PTPRT: variants seen among roughly 807,000 people sequenced by gnomAD.
PTPRT encodes the protein receptor-type tyrosine-protein phosphatase T.
A neutral mutation model predicts 176.8 loss-of-function variants in PTPRT; 56 were observed. That is an observed-to-expected ratio of 0.32 (90% CI 0.26 to 0.40). The LOEUF (loss-of-function observed/expected upper bound fraction) is 0.40, where lower values mean the gene tolerates loss of function less well. Among genes scored for constraint, PTPRT ranks in the 10% least tolerant of loss-of-function variants. The pLI, the probability that PTPRT is intolerant of heterozygous loss-of-function variation, is 1.00. For synonymous variants in PTPRT, 783 were observed against 739.0 expected (o/e 1.06, Z -0.96); for missense variants, 1,540 against 1,908.2 (o/e 0.81, Z 3.60).
intron 1 of PTPRT, among the ~76,000 whole-genome samples, chr20:42,900,110 T>C (rs754921098): frequency 6.6e-5 from 10 of 152,182 alleles, no homozygotes; most frequent in Non-Finnish European, 1.2e-4. Flanking sequence ...CCGCAAAGCA[T>C]TGCAACAGGC....
At chr20:42,675,406 C>A (rs2075485221) in intron 7 of PTPRT, among the ~76,000 whole-genome samples, 1 of 152,292 alleles carries the variant, frequency 6.6e-6, no homozygotes, top group South Asian at 2.1e-4. Context: ...ATATCGTAGG[C>A]AATCTTACAT....
In PTPRT at chr20:42,387,959, T is replaced by G. The variant is rs191310452; in HGVS notation, c.1561-35674A>C. Among the ~76,000 whole-genome samples the G allele has an allele frequency of 1.7e-3, 252 of 152,150 alleles. 4 individuals are homozygous for G. The highest frequency in any genetic ancestry group is 0.015 in the Admixed American group (222 of 15,286). On this transcript the variant is annotated intron_variant, in intron 9 of 30. Coordinates refer to ENST00000373187, the MANE Select transcript of PTPRT (RefSeq NM_007050.6). ...GGCGCCCACCACTAAGTCCAGCTAT[T>G]TTTTGTATTTTTAGCAGAGACAGGG...
At chr20:42,960,938 A>G (rs536728203) in intron 1 of PTPRT, among the ~76,000 whole-genome samples, 28 of 152,346 alleles carry the variant, frequency 1.8e-4, no homozygotes, top group Admixed American at 7.8e-4. Context: ...TGTAAATTAA[A>G]TAAGAATGAA....
chr20:42,637,763 A>C (rs2074639514), intron 7 of PTPRT, among the ~76,000 whole-genome samples: 1 of 152,108 alleles, frequency 6.6e-6, no homozygotes. Context: ...GTAGGCATTC[A>C]ATACAAATTT....
At chr20:42,660,455 TA>T (rs2145998664) in intron 7 of PTPRT, among the ~76,000 whole-genome samples, 1 of 152,264 alleles carries the variant, frequency 6.6e-6, no homozygotes. Context: ...AACTTCCCTT[TA>T]TACCAAAGAC....
intron 7 of PTPRT, among the ~76,000 whole-genome samples, chr20:42,530,069 T>C (rs1195684534): frequency 6.6e-6 from 1 of 152,062 alleles, no homozygotes; most frequent in East Asian, 1.9e-4. Flanking sequence ...CCTGGATGAG[T>C]TTATAAGACT....
chr20:43,128,745 G>C (rs1356997159), intron 1 of PTPRT, among the ~76,000 whole-genome samples: 10 of 152,144 alleles, frequency 6.6e-5, no homozygotes, highest in African/African-American at 2.4e-4. Context: ...ACATTTGAAA[G>C]ACAACAAAAA....
At chr20:42,853,338 C>A (rs1262143437) in intron 2 of PTPRT, among the ~76,000 whole-genome samples, 1 of 152,090 alleles carries the variant, frequency 6.6e-6, no homozygotes, top group Non-Finnish European at 1.5e-5. Flanking sequence ...GCCAGGAAGT[C>A]CCCCAGTATG....
chr20:42,737,021 A>G (rs1462579200), intron 6 of PTPRT, among the ~76,000 whole-genome samples: 2 of 152,230 alleles, frequency 1.3e-5, no homozygotes, highest in African/African-American at 2.4e-5. Flanking sequence ...TTTCAAATTC[A>G]TGAAAGCCAA....
At chr20:43,186,940 T>C (rs989398521) in intron 1 of PTPRT, among the ~76,000 whole-genome samples, 5 of 152,230 alleles carry the variant, frequency 3.3e-5, no homozygotes, top group Non-Finnish European at 5.9e-5. Flanking sequence ...GAATTCATTA[T>C]CCCCTTATTC....
intron 16 of PTPRT, among the ~76,000 whole-genome samples, chr20:42,168,817 C>A (rs1989947923): frequency 6.6e-6 from 1 of 152,194 alleles, no homozygotes; most frequent in East Asian, 1.9e-4. Context: ...CTTGCACTAG[C>A]ATAGGTGTAT....
At chr20:43,097,483 G>A (rs186431174) in intron 1 of PTPRT, among the ~76,000 whole-genome samples, 15 of 152,252 alleles carry the variant, frequency 9.9e-5, no homozygotes, top group Non-Finnish European at 1.6e-4. Flanking sequence ...ATTCTATGCC[G>A]GGCACTGTTT....
intron 2 of PTPRT, among the ~76,000 whole-genome samples, chr20:42,817,484 A>G (rs2077809186): frequency 6.6e-6 from 1 of 152,006 alleles, no homozygotes; most frequent in Non-Finnish European, 1.5e-5. Context: ...AAATTGTGAT[A>G]TGAAAAAGAA....
chr20:42,387,628 T>C (rs1332422535), intron 9 of PTPRT, among the ~76,000 whole-genome samples: 2 of 152,130 alleles, frequency 1.3e-5, no homozygotes, highest in African/African-American at 4.8e-5. Flanking sequence ...CACTTTTTAA[T>C]CTGGAAACTT....
intron 1 of PTPRT, among the ~76,000 whole-genome samples, chr20:43,176,240 C>G (rs1328668877): frequency 1.4e-5 from 2 of 140,708 alleles, no homozygotes; most frequent in Non-Finnish European, 3.1e-5. Context: ...GAGCGAGACC[C>G]TGGGCTCTGA....
chr20:42,377,487 G>C (rs2058662987), intron 9 of PTPRT, among the ~76,000 whole-genome samples: 1 of 152,214 alleles, frequency 6.6e-6, no homozygotes, highest in African/African-American at 2.4e-5. Flanking sequence ...TGATTCAGTA[G>C]ATTGGGCTGG....
At chr20:42,788,147 A>G (rs939924495) in intron 3 of PTPRT, among the ~76,000 whole-genome samples, 1 of 152,070 alleles carries the variant, frequency 6.6e-6, no homozygotes, top group African/African-American at 2.4e-5. Flanking sequence ...CTCTGCTTTT[A>G]GCCACTTTCA....
chr20:42,153,331 G>A (rs1989214818), intron 17 of PTPRT, among the ~76,000 whole-genome samples: 1 of 152,122 alleles, frequency 6.6e-6, no homozygotes, highest in African/African-American at 2.4e-5. Flanking sequence ...AGAATTTCAT[G>A]CTAAGCCTGT....
At chr20:42,743,803 C>G (rs2076649094) in intron 6 of PTPRT, among the ~76,000 whole-genome samples, 1 of 152,246 alleles carries the variant, frequency 6.6e-6, no homozygotes, top group Non-Finnish European at 1.5e-5. Context: ...GCCACCCCAA[C>G]TGTTGAGATA....
Sources: gnomAD v4.1 joint callset for allele counts (sites outside exome capture counted in the v4.1 genomes callset) on GRCh38, gnomAD v4.1.1 for gene constraint, MANE v1.5 for transcripts, NCBI Gene and HGNC (gene_info 2026-07-23, HGNC 2026-07-21) for gene names.